The following SRRM2 variants were observed in gnomAD, a reference collection of about 807,000 sequenced individuals.
SRRM2 encodes the protein serine/arginine repetitive matrix protein 2.
In SRRM2, 30 loss-of-function variants were observed where a neutral mutation model predicts 213.8. The observed-to-expected ratio is 0.14, with a 90% CI of 0.10 to 0.19. The LOEUF (loss-of-function observed/expected upper bound fraction) is 0.19. Among genes scored for constraint, SRRM2 ranks in the 10% least tolerant of loss-of-function variants. The pLI is 1.00. For missense variants in SRRM2, 4,904 were observed against 3,647.0 expected, an observed-to-expected ratio of 1.34 and a Z score of -8.88; for synonymous variants, 2,025 against 1,377.7, an observed-to-expected ratio of 1.47 and a Z score of -10.40.
In SRRM2 at chr16:2,752,734, G is replaced by C. The variant is rs1212999191; in HGVS notation, c.-144G>C. 1 of 351,676 alleles carries C rather than the reference G, an allele frequency of 2.8e-6. No individual in the cohort carries two copies. Among genetic ancestry groups the C allele is most frequent in the African/African-American group, 2.3e-5 (1 of 44,300 alleles). 21.8% of individuals were successfully genotyped at this position (351,676 alleles called of 1,614,324 possible). On this transcript the variant is annotated 5_prime_UTR_variant, in exon 1 of 15. Transcript: ENST00000301740. ...GCGAGGAGGCGTCGGCGTCGGCTGA[G>C]GCGGGCGGACCGGCGAGGCGAGGCG...
At position 2,761,649 on chromosome 16, in the gene SRRM2, A is replaced by G; in HGVS notation, c.1121A>G (p.His374Arg). ...CCCACTCCGCTCCTTGCTGAGCGAC[A>G]TGGCGGCTCCCCACAACCCCTTGCA... ...PAPTPLLAER[H>R]GGSPQPLATT... The change falls in exon 11 of 15, where the codon CAT (histidine) becomes CGT (arginine). Residue 374 changes from histidine to arginine, a missense_variant. Transcript: ENST00000301740. The G allele has an allele frequency of 6.3e-7, 1 of 1,585,936 alleles. No individual in the cohort carries two copies. Among genetic ancestry groups the G allele is most frequent in the South Asian group, 1.2e-5 (1 of 86,444 alleles).
chr16:2,763,039 T>C lies in SRRM2; in HGVS notation c.2511T>C (p.Ser837=). Residue 837 remains serine, a synonymous_variant, in exon 11 of 15, where the codon AGT becomes AGC. Coordinates refer to ENST00000301740, the MANE Select transcript of SRRM2 (RefSeq NM_016333.4). ...CACCATCAAGACAAAGTCATTCCAG[T>C]TCATCTCCTCATCCTAAAGTGAAAT... The part of the protein sequence containing the change: ...SKTPSRQSHS[S]SSPHPKVKSG... The C allele has an allele frequency of 6.2e-7, 1 of 1,613,970 alleles. No homozygotes were observed. Among genetic ancestry groups the C allele is most frequent in the Non-Finnish European group, 8.5e-7 (1 of 1,180,014 alleles).
At chr16:2,756,192 T>C (rs2068133412) in intron 1 of SRRM2, 142 bp from the exon 2 acceptor site, 1 of 821,980 alleles carries the variant, frequency 1.2e-6, no homozygotes, top group South Asian at 1.9e-5. Context: ...ACCAGGAGGA[T>C]GGTGGAGCAT....
intron 2 of SRRM2, among the ~76,000 whole-genome samples, chr16:2,757,241 C>G (rs1175264566): frequency 2.0e-5 from 3 of 151,484 alleles, no homozygotes; most frequent in African/African-American, 7.3e-5. Context: ...TAACTTTTTT[C>G]TTTTGGTCCC....
At chr16:2,769,329 C>CT in intron 12 of SRRM2, 45 bp downstream of exon 12, 1 of 1,525,730 alleles carries the variant, frequency 6.6e-7, no homozygotes, top group Non-Finnish European at 8.8e-7. Context: ...GGGGGAGTGA[C>CT]TTGTCCAGAG....
At position 2,771,043 on chromosome 16, in the gene SRRM2, A is replaced by G. The variant is rs1288266110; in HGVS notation, c.*176A>G. 3.1e-6 allele frequency: 2 copies of G among 648,958 alleles called. No individual in the cohort carries two copies. Among genetic ancestry groups the G allele is most frequent in the East Asian group, 3.0e-5 (1 of 33,256 alleles). 40.2% of individuals were successfully genotyped at this position (648,958 alleles called of 1,614,324 possible). A position where few individuals can be genotyped will look rare whatever the true frequency, so the allele number is the denominator to read the frequency against. ...TTTTTCTTTGTTCCTGTGAAATGTT[A>G]ATCTCCGTGAGTTCTTCCTGGTTCA... On this transcript the variant is annotated 3_prime_UTR_variant, in exon 15 of 15. Coordinates refer to ENST00000301740, the MANE Select transcript of SRRM2 (RefSeq NM_016333.4).
Position 2,763,087 on chromosome 16 carries a change from G to T in SRRM2, c.2559G>T (p.Gly853=), listed in dbSNP as rs748006289. Residue 853 remains glycine, a synonymous_variant, in exon 11 of 15, where the codon GGG becomes GGT. Transcript: ENST00000301740. The part of the protein sequence containing the change: ...KVKSGTPPRQ[G]SITSPQANEQ... The stretch of plus-strand genomic sequence containing the variant: ...AATCTGGAACACCACCGAGGCAAGG[G>T]TCCATAACAAGTCCCCAGGCCAATG... 4.3e-6 allele frequency: 7 copies of T among 1,614,052 alleles called. No individual in the cohort carries two copies. Among genetic ancestry groups the T allele is most frequent in the African/African-American group, 1.3e-5 (1 of 74,990 alleles).
In SRRM2 at chr16:2,759,564, T is replaced by C; in HGVS notation, c.741-5T>C. The C allele has an allele frequency of 3.7e-6, 6 of 1,614,110 alleles. No homozygotes were observed. The highest frequency in any genetic ancestry group is 4.2e-6 in the Non-Finnish European group (5 of 1,179,990). ...CCCTGAGCTGTGGTGGTGGTCTTCC[T>C]TCAGGTCTCGAAGTACAACACCAGC... On this transcript the variant is annotated splice_polypyrimidine_tract_variant and splice_region_variant and intron_variant, in intron 8 of 14. Coordinates refer to ENST00000301740, the MANE Select transcript of SRRM2 (RefSeq NM_016333.4).
Position 2,765,946 on chromosome 16 carries a change from A to G in SRRM2, c.5418A>G (p.Ser1806=), listed in dbSNP as rs1339290240. 1.2e-5 allele frequency: 19 copies of G among 1,614,190 alleles called. No homozygotes were observed. Among genetic ancestry groups the G allele is most frequent in the East Asian group, 2.2e-5 (1 of 44,886 alleles). The change falls in exon 11 of 15, where the codon TCA becomes TCG. Residue 1806 remains serine (S), a synonymous_variant. Transcript: ENST00000301740. ...STSRRRQRSR[S]RSRVTRRRRG... Reference sequence around the variant, plus strand: ...CTCGGCGAAGACAGCGGAGCCGGTCAAGGTCGCGGGTTACTCGGCGGCGGA... The same window carrying G: ...CTCGGCGAAGACAGCGGAGCCGGTCGAGGTCGCGGGTTACTCGGCGGCGGA...
intron 3 of SRRM2, 86 bp from the exon 4 acceptor site, chr16:2,757,695 C>T (rs1342589806): frequency 8.2e-6 from 13 of 1,583,180 alleles, no homozygotes; most frequent in East Asian, 2.2e-5. Context: ...TTTCCCATGC[C>T]TTATTTGGCT....
At position 2,762,636 on chromosome 16, in the gene SRRM2, G is replaced by A. The variant is rs748430482; in HGVS notation, c.2108G>A (p.Arg703His). The change falls in exon 11 of 15, where the codon CGC (arginine) becomes CAC (histidine). Residue 703 changes from arginine (R) to histidine (H), a missense_variant. By Grantham distance (29) the Arg-to-His change is conservative (BLOSUM62 0). Coordinates refer to ENST00000301740, the MANE Select transcript of SRRM2 (RefSeq NM_016333.4). ...RSRTPRRGRSRSRSLVRRGRS... is the reference protein window; with the variant it reads ...RSRTPRRGRSHSRSLVRRGRS... ...AGGACACCAAGACGAGGAAGATCCC[G>A]CAGTAGAAGCTTAGTTAGACGTGGA... 34 of 1,614,158 alleles carry A rather than the reference G, an allele frequency of 2.1e-5. No individual in the cohort carries two copies. The highest frequency in any genetic ancestry group is 9.9e-5 in the South Asian group (9 of 91,076).
chr16:2,768,798 C>T (rs2068632189), intron 11 of SRRM2, 199 bp from the exon 12 acceptor site: 2 of 1,052,098 alleles, frequency 1.9e-6, no homozygotes, highest in East Asian at 2.6e-5. Context: ...GCTGCGGGCC[C>T]CAGCCTGTTG....
At position 2,761,740 on chromosome 16, in the gene SRRM2, A is replaced by T; in HGVS notation, c.1212A>T (p.Ser404=). 6.2e-7 allele frequency: 1 copy of T among 1,612,024 alleles called. No individual in the cohort carries two copies. Among genetic ancestry groups the T allele is most frequent in the Non-Finnish European group, 8.5e-7 (1 of 1,178,932 alleles). ...PSEASPTRDR[S]PPKSPEKLPQ... is the part of the protein sequence containing the mutation. ...AGGCCTCTCCAACTCGGGACCGTTC[A>T]CCACCTAAGTCTCCCGAGAAACTTC... The change falls in exon 11 of 15, where the codon TCA becomes TCT. Residue 404 remains serine, a synonymous_variant. Transcript: ENST00000301740.
At chr16:2,757,645 CT>C in intron 3 of SRRM2, 66 bp downstream of exon 3, 3 of 1,583,632 alleles carry the variant, frequency 1.9e-6, no homozygotes, top group Non-Finnish European at 1.7e-6. Context: ...TGCTGCTGTC[CT>C]TTTCCTTACG....
chr16:2,764,052 A>G lies in SRRM2; in HGVS notation c.3524A>G (p.Asp1175Gly), dbSNP rs2068454542. 3 of 1,613,948 alleles carry G rather than the reference A, an allele frequency of 1.9e-6. No individual in the cohort carries two copies. The highest frequency in any genetic ancestry group is 2.5e-6 in the Non-Finnish European group (3 of 1,180,016). ...AAAATGGCCTTACCCCCTCAGGAGG[A>G]TGCTACTGCATCACCTCCTAGACAG... ...KEKMALPPQE[D>G]ATASPPRQKD... The change falls in exon 11 of 15, where the codon GAT becomes GGT. Residue 1175 changes from aspartate to glycine, a missense_variant. Coordinates refer to ENST00000301740, the MANE Select transcript of SRRM2 (RefSeq NM_016333.4).
At position 2,756,364 on chromosome 16, in the gene SRRM2, C is replaced by T. The variant is rs779768459; in HGVS notation, c.-1C>T. 3 of 1,601,220 alleles carry T rather than the reference C, an allele frequency of 1.9e-6. No individual in the cohort carries two copies. Among genetic ancestry groups the T allele is most frequent in the Non-Finnish European group, 2.6e-6 (3 of 1,176,068 alleles). ...GTGGTGCCCCCCCCGGGCACGGGGC[C>T]ATGTACAACGGGATCGGGCTGCCGA... On this transcript the variant is annotated 5_prime_UTR_variant, in exon 2 of 15. Coordinates refer to ENST00000301740, the MANE Select transcript of SRRM2 (RefSeq NM_016333.4).
At chr16:2,758,894 G>A (rs972745836) in intron 5 of SRRM2, 91 bp from the exon 6 acceptor site, 3 of 1,458,224 alleles carry the variant, frequency 2.1e-6, no homozygotes, top group Admixed American at 3.9e-5. Context: ...ACATTCAAGT[G>A]TTTTAGAAAC....
At position 2,758,855 on chromosome 16, in the gene SRRM2, C is replaced by T. The variant is rs544710303; in HGVS notation, c.594-130C>T. 5 of 949,624 alleles carry T rather than the reference C, an allele frequency of 5.3e-6. No individual in the cohort carries two copies. In the Admixed American group the frequency reaches 7.9e-5, roughly 15 times the overall value. 58.8% of individuals were successfully genotyped at this position (949,624 alleles called of 1,614,324 possible). On this transcript the variant is annotated intron_variant, in intron 5 of 14. Coordinates refer to ENST00000301740, the MANE Select transcript of SRRM2 (RefSeq NM_016333.4). ...GGAGAAAGAAGAAATAAGTCCTGGG[C>T]TTAGGTCTGGGGCATTAGTGCTATT...
chr16:2,769,994 A>G (rs2068684574), intron 12 of SRRM2: 1 of 518,064 alleles, frequency 1.9e-6, no homozygotes, highest in South Asian at 1.9e-5. Context: ...ACCTTCGAGA[A>G]GACTGCCCTG....
Sources: gnomAD v4.1 joint callset for allele counts (sites outside exome capture counted in the v4.1 genomes callset) on GRCh38, gnomAD v4.1.1 for gene constraint, MANE v1.5 for transcripts, NCBI Gene and HGNC (gene_info 2026-07-23, HGNC 2026-07-21) for gene names.